The following ATP2C2 variants were observed in gnomAD, a reference collection of about 807,000 sequenced individuals.
ATP2C2 encodes calcium-transporting ATPase type 2C member 2.
A neutral mutation model predicts 110.8 loss-of-function variants in ATP2C2; 171 were observed. That is an observed-to-expected ratio of 1.54 (90% CI 1.36 to 1.75). The LOEUF (loss-of-function observed/expected upper bound fraction) is 1.75, where lower values mean the gene tolerates loss of function less well. ATP2C2 is among the 40% of genes most tolerant of loss of function. The probability of loss-of-function intolerance (pLI) is 0.00; values close to 1 mark genes in which losing one functional copy is unlikely to be tolerated. For synonymous variants in ATP2C2, 804 were observed against 508.4 expected (o/e 1.58, Z -7.82); for missense variants, 1,963 against 1,235.0 (o/e 1.59, Z -8.84).
intron 6 of ATP2C2, among the ~76,000 whole-genome samples, chr16:84,412,356 G>GCGTGTGTGCA (rs1555557498): frequency 1.3e-5 from 2 of 149,060 alleles, no homozygotes; most frequent in Non-Finnish European, 3.0e-5. Flanking sequence ...GTCTGCGTGC[G>GCGTGTGTGCA]TGTGTGCATG....
chr16:84,452,297 A>C (rs1412266364), intron 18 of ATP2C2, among the ~76,000 whole-genome samples: 5 of 152,158 alleles, frequency 3.3e-5, no homozygotes, highest in African/African-American at 1.2e-4. Flanking sequence ...AGGTTCTGCA[A>C]AAGGGAAGTT....
intron 10 of ATP2C2, 138 bp downstream of exon 10, chr16:84,423,401 C>G (rs577326961): frequency 1.5e-5 from 11 of 749,914 alleles, no homozygotes; most frequent in East Asian, 2.7e-5. Flanking sequence ...AGGCTCTCCA[C>G]AAGCAACAAG....
Position 84,440,916 on chromosome 16 carries a change from C to T in ATP2C2, c.1269C>T (p.Val423=), listed in dbSNP as rs780134530. 7.4e-6 allele frequency: 12 copies of T among 1,613,388 alleles called. No individual in the cohort carries two copies. In the Admixed American group the frequency reaches 8.3e-5, roughly 11 times the overall value. ...GTVCLLPSKE[V]IKEFSNVSVG... ...TGTGTCTTCTACCATCCAAGGAAGT[C>T]ATTAAGGAATTTTCCAATGTCTCAG... Residue 423 remains valine (V), a synonymous_variant, in exon 14 of 27, where the codon GTC becomes GTT. Transcript: ENST00000262429.
chr16:84,409,520 C>G (rs1197840218), intron 4 of ATP2C2, among the ~76,000 whole-genome samples: 5 of 150,726 alleles, frequency 3.3e-5, no homozygotes, highest in Admixed American at 6.6e-5. Flanking sequence ...ATTTTTTTTT[C>G]TTTTTTTGAG....
chr16:84,390,797 A>G (rs1022003339), intron 1 of ATP2C2, among the ~76,000 whole-genome samples: 4 of 152,092 alleles, frequency 2.6e-5, no homozygotes, highest in Admixed American at 2.6e-4. Flanking sequence ...TCATCTTATA[A>G]AAAGCTTTAA....
At chr16:84,460,949 G>T (rs1265522647) in intron 24 of ATP2C2, 148 bp downstream of exon 24, 13 of 1,171,370 alleles carry the variant, frequency 1.1e-5, no homozygotes, top group South Asian at 1.7e-5. Flanking sequence ...CAGAGGCGTG[G>T]GGTGCATGAG....
intron 20 of ATP2C2, among the ~76,000 whole-genome samples, chr16:84,454,488 C>T (rs1910604386): frequency 6.6e-6 from 1 of 152,084 alleles, no homozygotes. Flanking sequence ...TCCAGGGCCG[C>T]ACTGTTGATT....
chr16:84,396,148 G>T (rs1204439529), intron 1 of ATP2C2, among the ~76,000 whole-genome samples: 1 of 152,064 alleles, frequency 6.6e-6, no homozygotes, highest in African/African-American at 2.4e-5. Flanking sequence ...GTGGGTTTTG[G>T]GCAGTCACAT....
intron 7 of ATP2C2, among the ~76,000 whole-genome samples, chr16:84,418,293 T>C (rs1204840577): frequency 6.6e-6 from 1 of 151,988 alleles, no homozygotes; most frequent in Non-Finnish European, 1.5e-5. Context: ...TGGGTTCTGT[T>C]CCCCCGACTC....
chr16:84,398,869 C>G (rs1414981186), intron 2 of ATP2C2, among the ~76,000 whole-genome samples: 1 of 152,170 alleles, frequency 6.6e-6, no homozygotes, highest in African/African-American at 2.4e-5. Flanking sequence ...TTCTCTTCAG[C>G]CTCACATTTC....
Position 84,463,782 on chromosome 16 carries a change from C to A in ATP2C2, c.*50C>A, listed in dbSNP as rs376838797. The A allele has an allele frequency of 6.7e-7, 1 of 1,491,382 alleles. No individual in the cohort carries two copies. Among genetic ancestry groups the A allele is most frequent in the Non-Finnish European group, 9.4e-7 (1 of 1,069,266 alleles). 92.4% of individuals were successfully genotyped at this position (1,491,382 alleles called of 1,614,324 possible). On this transcript the variant is annotated 3_prime_UTR_variant, in exon 27 of 27. Transcript: ENST00000262429. ...CCTAATCATCTCGATCTGGTTGTGA[C>A]TGTGGCCCCTGCCGTGTCTCCTCGT...
chr16:84,385,830 C>T (rs1904311465), intron 1 of ATP2C2, among the ~76,000 whole-genome samples: 1 of 152,210 alleles, frequency 6.6e-6, no homozygotes, highest in African/African-American at 2.4e-5. Flanking sequence ...ATCTAATCAC[C>T]TCCCATGAGG....
At chr16:84,447,920 AAC>A (rs1909910221) in intron 16 of ATP2C2, among the ~76,000 whole-genome samples, 1 of 150,692 alleles carries the variant, frequency 6.6e-6, no homozygotes, top group Non-Finnish European at 1.5e-5. Flanking sequence ...ATTATCTTAT[AAC>A]AGTGTTACAT....
chr16:84,417,064 C>T (rs1029476996), intron 7 of ATP2C2, among the ~76,000 whole-genome samples: 6 of 152,228 alleles, frequency 3.9e-5, no homozygotes, highest in African/African-American at 1.4e-4. Flanking sequence ...GGCTTGAGCC[C>T]TGGGACCATC....
chr16:84,371,252 C>T (rs553417290), intron 1 of ATP2C2, among the ~76,000 whole-genome samples: 3 of 152,316 alleles, frequency 2.0e-5, no homozygotes, highest in Admixed American at 2.0e-4. Flanking sequence ...CGCAGTGGCT[C>T]ATGCCTGTCA....
chr16:84,440,961 A>G lies in ATP2C2; in HGVS notation c.1311+3A>G, dbSNP rs1482097585. 6.2e-7 allele frequency: 1 copy of G among 1,605,410 alleles called. No individual in the cohort carries two copies. The highest frequency in any genetic ancestry group is 8.5e-7 in the Non-Finnish European group (1 of 1,173,996). On this transcript the variant is annotated splice_donor_region_variant and intron_variant, in intron 14 of 26. Transcript: ENST00000262429. Reference sequence around the variant, plus strand: ...TCTCAGTGGGAAAGTTAGTGGAGGTAGGTGTCAAAAGCGCCATGAGGGAAA... The same window carrying G: ...TCTCAGTGGGAAAGTTAGTGGAGGTGGGTGTCAAAAGCGCCATGAGGGAAA...
At chr16:84,424,825 G>A (rs1463847624) in intron 10 of ATP2C2, among the ~76,000 whole-genome samples, 1 of 152,146 alleles carries the variant, frequency 6.6e-6, no homozygotes, top group Non-Finnish European at 1.5e-5. Flanking sequence ...GATGTACCTA[G>A]TTGATTCTTG....
At chr16:84,455,249 T>C (rs771036990) in intron 21 of ATP2C2, among the ~76,000 whole-genome samples, 2 of 151,954 alleles carry the variant, frequency 1.3e-5, no homozygotes, top group Admixed American at 6.6e-5. Flanking sequence ...AGAGATGGGA[T>C]TTGCTGCCTG....
intron 11 of ATP2C2, among the ~76,000 whole-genome samples, chr16:84,430,796 A>G (rs1908206925): frequency 6.6e-6 from 1 of 151,990 alleles, no homozygotes; most frequent in Admixed American, 6.6e-5. Flanking sequence ...CTTTTTACAG[A>G]TTGGGAAACA....
Sources: allele counts gnomAD v4.1 joint callset (sites outside exome capture counted in the v4.1 genomes callset), GRCh38; gene constraint gnomAD v4.1.1; transcripts MANE v1.5; gene names NCBI Gene and HGNC (gene_info 2026-07-23, HGNC 2026-07-21).